The following SLC9B1 variants were observed in gnomAD, a reference collection of about 807,000 sequenced individuals.
The protein encoded by SLC9B1 is sodium/hydrogen exchanger 9B1.
SLC9B1 carries 32 observed loss-of-function variants against 51.7 expected under a neutral mutation model. That is an observed-to-expected ratio of 0.62 (90% confidence interval 0.47 to 0.83). The LOEUF is 0.83. Ranked by LOEUF, SLC9B1 falls within the 40% of genes least tolerant of loss-of-function variation. SLC9B1 has a pLI of 0.00. For synonymous variants in SLC9B1, 145 were observed against 212.7 expected (o/e 0.68, Z 2.77); for missense variants, 406 against 613.2 (o/e 0.66, Z 3.57).
At chr4:102,968,718 G>C (rs1284708039) in intron 3 of SLC9B1, among the ~76,000 whole-genome samples, 2 of 152,220 alleles carry the variant, frequency 1.3e-5, no homozygotes, top group Non-Finnish European at 2.9e-5. Flanking sequence ...AGCTGAAGCA[G>C]GGCAGGGCAT....
chr4:102,939,655 A>G (rs1399134158), intron 6 of SLC9B1, among the ~76,000 whole-genome samples: 2 of 152,230 alleles, frequency 1.3e-5, no homozygotes, highest in East Asian at 3.8e-4. Context: ...AAAATCCTCA[A>G]CAAAATACAA....
intron 4 of SLC9B1, among the ~76,000 whole-genome samples, chr4:102,947,316 TG>T (rs1737315845): frequency 5.9e-5 from 9 of 152,188 alleles, no homozygotes; most frequent in Middle Eastern, 3.4e-3. Context: ...AAGAAAATTG[TG>T]GATACAGAAG....
At chr4:103,016,464 T>C (rs1480002622) in intron 1 of SLC9B1, among the ~76,000 whole-genome samples, 1 of 152,238 alleles carries the variant, frequency 6.6e-6, no homozygotes, top group Admixed American at 6.5e-5. Flanking sequence ...CCAGCAGTAC[T>C]ATGTCAATTT....
In SLC9B1 at chr4:102,964,952, C is replaced by A. The variant is rs953774183; in HGVS notation, c.212-15525G>T. Among the ~76,000 whole-genome samples, 132 of 152,190 alleles carry A rather than the reference C, an allele frequency of 8.7e-4. 2 individuals carry two copies. Among genetic ancestry groups the A allele is most frequent in the Non-Finnish European group, 1.7e-3 (115 of 68,006 alleles). On this transcript the variant is annotated intron_variant, in intron 3 of 11. Coordinates refer to ENST00000296422, the MANE Select transcript of SLC9B1 (RefSeq NM_139173.4). ...GAAAAAAGTTATGGAAAAAAGACAACTCTTTTTATTGTTAGCCTTGTATAC... is the reference window on the plus strand; with the variant it reads ...GAAAAAAGTTATGGAAAAAAGACAAATCTTTTTATTGTTAGCCTTGTATAC...
intron 3 of SLC9B1, among the ~76,000 whole-genome samples, chr4:102,955,911 G>C (rs996687638): frequency 2.7e-5 from 4 of 150,718 alleles, no homozygotes; most frequent in Non-Finnish European, 5.9e-5. Flanking sequence ...GAGAGAGAAA[G>C]ACCCACATGC....
At chr4:102,991,155 A>T (rs1739920486) in intron 2 of SLC9B1, among the ~76,000 whole-genome samples, 1 of 152,208 alleles carries the variant, frequency 6.6e-6, no homozygotes, top group African/African-American at 2.4e-5. Context: ...GACCCTTAAG[A>T]ACTGTAGAAA....
chr4:102,896,598 A>C (rs1476514233), downstream of SLC9B1: 2 of 152,194 alleles, frequency 1.3e-5, no homozygotes, highest in African/African-American at 2.4e-5. Context: ...ACAGGTGGGC[A>C]TTATTCAGAA....
chr4:102,919,581 G>T (rs1735758423), intron 7 of SLC9B1, among the ~76,000 whole-genome samples: 1 of 152,172 alleles, frequency 6.6e-6, no homozygotes, highest in South Asian at 2.1e-4. Flanking sequence ...GGCCCACAGA[G>T]GGTGAGCTGA....
chr4:103,008,576 T>C (rs1740917741), intron 1 of SLC9B1, among the ~76,000 whole-genome samples: 1 of 151,426 alleles, frequency 6.6e-6, no homozygotes, highest in Admixed American at 6.6e-5. Flanking sequence ...AGAGATGGGG[T>C]TTCACCATGG....
intron 3 of SLC9B1, among the ~76,000 whole-genome samples, chr4:102,968,492 T>G (rs1234998555): frequency 6.6e-6 from 1 of 152,238 alleles, no homozygotes; most frequent in Non-Finnish European, 1.5e-5. Context: ...ACTGGTAAAT[T>G]GGACTTCATC....
chr4:102,965,920 A>G (rs1252020785), intron 3 of SLC9B1, among the ~76,000 whole-genome samples: 1 of 152,232 alleles, frequency 6.6e-6, no homozygotes, highest in African/African-American at 2.4e-5. Context: ...TTCAAAAGTC[A>G]GCAGGGCAGA....
At chr4:102,990,660 G>A (rs1265020526) in intron 2 of SLC9B1, among the ~76,000 whole-genome samples, 3 of 151,372 alleles carry the variant, frequency 2.0e-5, no homozygotes, top group African/African-American at 4.9e-5. Flanking sequence ...ATTGTCATGG[G>A]TGGGTGGGTG....
At chr4:102,892,860 A>G (rs562469029) in intron 11 of SLC9B1, 2 of 152,342 alleles carry the variant, frequency 1.3e-5, no homozygotes, top group Non-Finnish European at 2.9e-5. Flanking sequence ...ATTTCTCTGC[A>G]TGATCACACT....
downstream of SLC9B1, among the ~76,000 whole-genome samples, chr4:102,899,043 G>T (rs1174804167): frequency 6.6e-6 from 1 of 151,732 alleles, no homozygotes; most frequent in Non-Finnish European, 1.5e-5. Flanking sequence ...AGCCTTATTT[G>T]TTTAAATACT....
At chr4:102,931,127 G>A (rs1009304821) in intron 7 of SLC9B1, among the ~76,000 whole-genome samples, 2 of 151,782 alleles carry the variant, frequency 1.3e-5, no homozygotes, top group African/African-American at 2.4e-5. Context: ...TTGGGAGGCT[G>A]AGGCAGGAGA....
chr4:102,987,566 T>G (rs992402058), intron 3 of SLC9B1, among the ~76,000 whole-genome samples: 3 of 151,886 alleles, frequency 2.0e-5, no homozygotes, highest in Non-Finnish European at 4.4e-5. Context: ...GATAAAAAAT[T>G]TTTTTTTGGG....
At chr4:102,994,566 C>G (rs1327450613) in intron 1 of SLC9B1, among the ~76,000 whole-genome samples, 1 of 152,182 alleles carries the variant, frequency 6.6e-6, no homozygotes, top group Non-Finnish European at 1.5e-5. Context: ...TTCTGGGTAT[C>G]TTTATAACAG....
chr4:102,943,537 A>C (rs1316524817), intron 6 of SLC9B1, among the ~76,000 whole-genome samples: 3 of 151,544 alleles, frequency 2.0e-5, no homozygotes, highest in Non-Finnish European at 4.4e-5. Flanking sequence ...ACACACACAC[A>C]CCATCGACAG....
intron 7 of SLC9B1, among the ~76,000 whole-genome samples, chr4:102,917,455 ATC>A (rs1735635807): frequency 6.6e-6 from 1 of 151,454 alleles, no homozygotes; most frequent in South Asian, 2.1e-4. Context: ...CTATATCTAT[ATC>A]TATATCTATA....
Sources: gnomAD v4.1 joint callset for allele counts (sites outside exome capture counted in the v4.1 genomes callset) on GRCh38, gnomAD v4.1.1 for gene constraint, MANE v1.5 for transcripts, NCBI Gene and HGNC (gene_info 2026-07-23, HGNC 2026-07-21) for gene names.